The following JMY variants were observed in gnomAD, a reference collection of about 807,000 sequenced individuals.
JMY encodes junction mediating and regulatory protein, p53 cofactor.
Under a neutral mutation model 103.3 loss-of-function variants are expected in JMY, and 46 were observed. That is an observed-to-expected ratio of 0.45 (90% CI 0.35 to 0.57). JMY has a LOEUF of 0.57. JMY is among the 20% of genes least tolerant of loss of function. JMY has a pLI of 0.00. For synonymous variants in JMY, 526 were observed against 489.3 expected (o/e 1.07, Z -0.99); for missense variants, 1,238 against 1,255.2 (o/e 0.99, Z 0.21).
At chr5:79,290,031 G>T in intron 2 of JMY, 90 bp from the exon 3 acceptor site, 1 of 864,812 alleles carries the variant, frequency 1.2e-6, no homozygotes, top group South Asian at 2.7e-5. Context: ...GGAAGAACAA[G>T]TATTCTTTGT....
chr5:79,300,582 A>C, intron 5 of JMY, 94 bp from the exon 6 acceptor site: 1 of 958,476 alleles, frequency 1.0e-6, no homozygotes, highest in East Asian at 2.7e-5. Context: ...GCTTTGCCTG[A>C]GGTTGCAGAG....
At chr5:79,238,988 A>G (rs111911843) in intron 1 of JMY, among the ~76,000 whole-genome samples, 10 of 152,268 alleles carry the variant, frequency 6.6e-5, no homozygotes, top group African/African-American at 2.2e-4. Flanking sequence ...AATGGTGTTT[A>G]TATTCCTAAG....
intron 1 of JMY, among the ~76,000 whole-genome samples, chr5:79,267,204 A>AT (rs1379678912): frequency 7.9e-5 from 12 of 152,216 alleles, no homozygotes; most frequent in African/African-American, 2.4e-4. Flanking sequence ...ATTAAAATTA[A>AT]TTTTTTGTAC....
chr5:79,270,732 A>G (rs959950439), intron 1 of JMY, among the ~76,000 whole-genome samples: 4 of 147,458 alleles, frequency 2.7e-5, no homozygotes, highest in Non-Finnish European at 6.0e-5. Flanking sequence ...ATATATATAC[A>G]CCATAAATAC....
intron 4 of JMY, among the ~76,000 whole-genome samples, chr5:79,295,725 C>CA (rs1746545766): frequency 6.6e-6 from 1 of 152,206 alleles, no homozygotes; most frequent in African/African-American, 2.4e-5. Flanking sequence ...ATGTGGTAGA[C>CA]ACAGCCTGAG....
At chr5:79,262,523 G>A (rs1165789443) in intron 1 of JMY, among the ~76,000 whole-genome samples, 1 of 152,194 alleles carries the variant, frequency 6.6e-6, no homozygotes. Flanking sequence ...TTACACGAAA[G>A]TCTAATGCTT....
intron 1 of JMY, among the ~76,000 whole-genome samples, chr5:79,264,862 T>C (rs1745535992): frequency 6.6e-6 from 1 of 152,242 alleles, no homozygotes; most frequent in Non-Finnish European, 1.5e-5. Context: ...TAACATAGAA[T>C]GACAGTAAAT....
At chr5:79,292,613 G>A (rs570261782) in intron 4 of JMY, among the ~76,000 whole-genome samples, 11 of 152,210 alleles carry the variant, frequency 7.2e-5, no homozygotes, top group East Asian at 1.9e-4. Flanking sequence ...TGCCCAGCCC[G>A]TCTTCATTAT....
chr5:79,271,191 ATT>A (rs60790162), intron 1 of JMY, among the ~76,000 whole-genome samples: 6 of 138,660 alleles, frequency 4.3e-5, no homozygotes, highest in Admixed American at 7.3e-5. Flanking sequence ...ACACCTGGCT[ATT>A]TTTTTTTTTT....
Position 79,306,513 on chromosome 5 carries a change from T to TAA in JMY, c.1968+53_1968+54insAA, listed in dbSNP as rs749385899. On this transcript the variant is annotated intron_variant, in intron 7 of 10. Transcript: ENST00000396137. ...CAAAACTTAATTTTTTTGCATGTTT[T>TAA]AGAGTGGATAAAATCTGTAGAGAAT... is the stretch of plus-strand genomic sequence containing the variant. The TAA allele has an allele frequency of 4.2e-6, 5 of 1,202,974 alleles. No homozygotes were observed. In the African/African-American group the frequency reaches 7.6e-5, roughly 18 times the overall value. 74.5% of individuals were successfully genotyped at this position (1,202,974 alleles called of 1,614,324 possible). A position where few individuals can be genotyped will look rare whatever the true frequency, so the allele number is the denominator to read the frequency against.
chr5:79,292,126 G>T (rs768014423), intron 4 of JMY, among the ~76,000 whole-genome samples: 1 of 152,090 alleles, frequency 6.6e-6, no homozygotes, highest in Non-Finnish European at 1.5e-5. Flanking sequence ...CCGGGAAATT[G>T]TTCACACTTT....
At chr5:79,308,066 A>G (rs538303888) in intron 7 of JMY, among the ~76,000 whole-genome samples, 1 of 151,840 alleles carries the variant, frequency 6.6e-6, no homozygotes, top group African/African-American at 2.4e-5. Context: ...TTGGATTTTT[A>G]TTTTCTTATT....
chr5:79,326,089 C>T lies in JMY; in HGVS notation c.*4487C>T, dbSNP rs1316400032. On this transcript the variant is annotated 3_prime_UTR_variant, in exon 11 of 11. Coordinates refer to ENST00000396137, the MANE Select transcript of JMY (RefSeq NM_152405.5). ...TGTAAGGTGCATGTACAGAAAATACCTCTGAGGTTGACTTGTTAAATAACT... is the reference window on the plus strand; with the variant it reads ...TGTAAGGTGCATGTACAGAAAATACTTCTGAGGTTGACTTGTTAAATAACT... 1 of 152,152 alleles carries T rather than the reference C, an allele frequency of 6.6e-6. No homozygotes were observed. The highest frequency in any genetic ancestry group is 1.5e-5 in the Non-Finnish European group (1 of 68,020). The allele number at this position is 152,152 out of a possible 1,614,324, so 9.4% of individuals were successfully genotyped here.
intron 1 of JMY, among the ~76,000 whole-genome samples, chr5:79,270,562 ATATTTAAAATG>A (rs1561297870): frequency 7.7e-6 from 1 of 130,208 alleles, no homozygotes; most frequent in Non-Finnish European, 1.6e-5. Context: ...ATTTACATAA[ATATTTAAAATG>A]TATATTTACA....
intron 6 of JMY, among the ~76,000 whole-genome samples, chr5:79,305,678 G>GT (rs1746860081): frequency 1.3e-5 from 2 of 150,274 alleles, no homozygotes; most frequent in African/African-American, 5.0e-5. Flanking sequence ...GAAAATATAT[G>GT]CTTTTTTTTC....
rs1747484183 is a variant in JMY, at chr5:79,322,415, T to A, written c.*813T>A. ...CAAATTATTTTTATTTTGTTTGAAT[T>A]ATTGCTTGATTGCTATGACTGACAT... On this transcript the variant is annotated 3_prime_UTR_variant, in exon 11 of 11. Transcript: ENST00000396137. 1 of 152,244 alleles carries A rather than the reference T, an allele frequency of 6.6e-6. No homozygotes were observed. Among genetic ancestry groups the A allele is most frequent in the Admixed American group, 6.5e-5 (1 of 15,284 alleles). 9.4% of individuals were successfully genotyped at this position (152,244 alleles called of 1,614,324 possible).
At chr5:79,274,832 A>C (rs1011610055) in intron 1 of JMY, among the ~76,000 whole-genome samples, 2 of 152,174 alleles carry the variant, frequency 1.3e-5, no homozygotes, top group Non-Finnish European at 2.9e-5. Flanking sequence ...ATGTTCCCTC[A>C]GAGTGTTGAT....
At chr5:79,310,083 T>TA (rs1747002652) in intron 7 of JMY, among the ~76,000 whole-genome samples, 1 of 100,460 alleles carries the variant, frequency 1.0e-5, no homozygotes, top group South Asian at 3.0e-4. Context: ...TTTTTTTTTT[T>TA]GAGATGGAGT....
At chr5:79,308,886 C>G (rs978271990) in intron 7 of JMY, among the ~76,000 whole-genome samples, 1 of 152,034 alleles carries the variant, frequency 6.6e-6, no homozygotes, top group African/African-American at 2.4e-5. Flanking sequence ...TCATAAAGAT[C>G]TTGTACACCT....
Sources: gnomAD v4.1 joint callset for allele counts (sites outside exome capture counted in the v4.1 genomes callset) on GRCh38, gnomAD v4.1.1 for gene constraint, MANE v1.5 for transcripts, NCBI Gene and HGNC (gene_info 2026-07-23, HGNC 2026-07-21) for gene names.